Variants in MYCBP2 observed in about 807,000 individuals in gnomAD.
MYCBP2 encodes MYC binding protein 2, also known as E3 ubiquitin-protein ligase MYCBP2.
Under a neutral mutation model 525.3 loss-of-function variants are expected in MYCBP2, and 120 were observed. That is an observed-to-expected ratio of 0.23 (90% CI 0.20 to 0.27). MYCBP2 has a LOEUF of 0.27. Ranked by LOEUF, MYCBP2 falls within the 10% of genes least tolerant of loss-of-function variation. MYCBP2 has a pLI of 1.00. For missense variants in MYCBP2, 4,149 were observed against 5,657.1 expected, an observed-to-expected ratio of 0.73 and a Z score of 8.55; for synonymous variants, 1,894 against 1,955.8, an observed-to-expected ratio of 0.97 and a Z score of 0.83.
At chr13:77,054,843 T>C (rs531427000) in intron 80 of MYCBP2, among the ~76,000 whole-genome samples, 6 of 152,226 alleles carry the variant, frequency 3.9e-5, no homozygotes, top group Non-Finnish European at 8.8e-5. Flanking sequence ...TCAAGAAATC[T>C]GCCCACCTTG....
chr13:77,196,788 G>A (rs909606484), intron 26 of MYCBP2, among the ~76,000 whole-genome samples: 13 of 152,114 alleles, frequency 8.5e-5, no homozygotes, highest in African/African-American at 2.4e-4. Context: ...AGAGAGTCAC[G>A]TGGAGACACA....
chr13:77,217,992 T>G, intron 20 of MYCBP2, 35 bp from the exon 21 acceptor site: 1 of 1,412,186 alleles, frequency 7.1e-7, no homozygotes, highest in South Asian at 1.3e-5. Flanking sequence ...GTCAATTTCT[T>G]ACAAAACTCA....
chr13:77,172,338 G>C (rs912584595), intron 37 of MYCBP2, among the ~76,000 whole-genome samples: 2 of 152,190 alleles, frequency 1.3e-5, no homozygotes, highest in African/African-American at 4.8e-5. Context: ...AGTGAAGCGT[G>C]ATGGGTGGGA....
intron 36 of MYCBP2, among the ~76,000 whole-genome samples, chr13:77,175,379 G>GA (rs576165429): frequency 2.0e-5 from 3 of 151,406 alleles, no homozygotes; most frequent in Non-Finnish European, 4.4e-5. Flanking sequence ...ACAGACATGA[G>GA]AAAAAAAACC....
intron 26 of MYCBP2, among the ~76,000 whole-genome samples, chr13:77,201,552 A>T (rs1425254412): frequency 6.6e-6 from 1 of 151,846 alleles, no homozygotes; most frequent in Non-Finnish European, 1.5e-5. Context: ...CCTAATAGAC[A>T]TCTACAGAAC....
intron 82 of MYCBP2, among the ~76,000 whole-genome samples, chr13:77,045,748 T>C (rs2035433072): frequency 6.6e-6 from 1 of 152,234 alleles, no homozygotes; most frequent in African/African-American, 2.4e-5. Context: ...AGAGGATCAC[T>C]TCGAGCTACA....
chr13:77,174,936 ATATATATTT>A lies in MYCBP2; in HGVS notation c.5473-456_5473-448del. Reference sequence around the variant, plus strand: ...AATATATATTATATATATATAATATATATATATTTTATATATTATATATATATATTTTTT... The same window carrying A: ...AATATATATTATATATATATAATATATATATATTATATATATATATTTTTT... On this transcript the variant is annotated intron_variant, in intron 36 of 82. Transcript: ENST00000544440. 2.9e-4 allele frequency among the ~76,000 whole-genome samples: 6 copies of A among 20,494 alleles called. 1 individual carries two copies. Among genetic ancestry groups the A allele is most frequent in the African/African-American group, 6.6e-4 (6 of 9,060 alleles). The allele number at this position is 20,494 out of a possible 152,430, so 13.4% of individuals were successfully genotyped here.
Position 77,163,895 on chromosome 13 carries a change from T to C in MYCBP2, c.6547+559A>G, listed in dbSNP as rs181812090. Among the ~76,000 whole-genome samples the C allele has an allele frequency of 1.2e-4, 19 of 152,328 alleles. No homozygotes were observed. The East Asian group carries it at 3.5e-3, about 28-fold the overall frequency. ...CTCTCCTGGTTTCTCTCCTCTTCAC[T>C]GACTGTTCCTTCACAGTCTCATCTG... On this transcript the variant is annotated intron_variant, in intron 43 of 82. Transcript: ENST00000544440.
At chr13:77,254,154 C>G (rs958056207) in intron 14 of MYCBP2, among the ~76,000 whole-genome samples, 1 of 151,640 alleles carries the variant, frequency 6.6e-6, no homozygotes, top group Non-Finnish European at 1.5e-5. Flanking sequence ...CAGATTAACA[C>G]TTATAAAAAC....
In MYCBP2 at chr13:77,171,549, C is replaced by A. The variant is rs368552600; in HGVS notation, c.5737G>T (p.Val1913Leu). Residue 1913 changes from valine to leucine, a missense_variant, in exon 38 of 83, where the codon GTA becomes TTA. By Grantham distance (32) the Val-to-Leu change is conservative. Transcript: ENST00000544440. ...TTAGAGGCTCGAACGACAGTGCTTA[C>A]AACAGACAATGCTCTGCTACAGTTT... ...DKNCSRALSV[V>L]STVVRASKDL... The A allele has an allele frequency of 1.9e-6, 3 of 1,614,114 alleles. No individual in the cohort carries two copies. The highest frequency in any genetic ancestry group is 2.5e-6 in the Non-Finnish European group (3 of 1,179,980).
Position 77,261,366 on chromosome 13 carries a change from T to C in MYCBP2, c.1657A>G (p.Thr553Ala), listed in dbSNP as rs921471921. Residue 553 changes from threonine (T) to alanine (A), a missense_variant, in exon 12 of 83, where the codon ACT becomes GCT. This residue lies in a region of MYCBP2 where 262 missense variants were observed against 419.3 expected (regional missense o/e 0.62). Transcript: ENST00000544440. ...ATTCCAAGACTCTGGTATTTGCCAGTGTAATATATCTTATGTATTAAAAAA... is the reference window on the plus strand; with the variant it reads ...ATTCCAAGACTCTGGTATTTGCCAGCGTAATATATCTTATGTATTAAAAAA... ...MKTANGKIYY[T>A]GKYQSLGIKQ... 1.9e-6 allele frequency: 3 copies of C among 1,602,762 alleles called. No individual in the cohort carries two copies. Among genetic ancestry groups the C allele is most frequent in the Non-Finnish European group, 1.7e-6 (2 of 1,176,200 alleles).
Position 77,098,523 on chromosome 13 carries a change from A to G in MYCBP2, c.8631T>C (p.Asp2877=). ...TTTTCTTCTTGCGGAGGGTATCTGG[A>G]TCAAGTGTGTAAGAGTCTGATTTAG... ...ERSKSDSYTL[D]PDTLRKKKMP... Residue 2877 remains aspartate (D), a synonymous_variant, in exon 56 of 83, where the codon GAT becomes GAC. Transcript: ENST00000544440. 1 of 1,613,708 alleles carries G rather than the reference A, an allele frequency of 6.2e-7. No homozygotes were observed. The highest frequency in any genetic ancestry group is 8.5e-7 in the Non-Finnish European group (1 of 1,179,818).
At chr13:77,203,092 A>G (rs56061545) in intron 26 of MYCBP2, among the ~76,000 whole-genome samples, 4,070 of 152,106 alleles carry the variant, frequency 0.027, 198 homozygotes, top group African/African-American at 0.092. Context: ...TTAGGAAAAG[A>G]GGAAGTCAAA....
intron 14 of MYCBP2, among the ~76,000 whole-genome samples, chr13:77,253,807 G>A (rs2071648210): frequency 6.6e-6 from 1 of 152,114 alleles, no homozygotes; most frequent in South Asian, 2.1e-4. Flanking sequence ...CAGATGTGAT[G>A]TGGAAAATCC....
chr13:77,053,904 A>G (rs182001315), intron 80 of MYCBP2, among the ~76,000 whole-genome samples: 1 of 152,272 alleles, frequency 6.6e-6, no homozygotes, highest in African/African-American at 2.4e-5. Context: ...GAGATAGAAA[A>G]ATGAAAAAAC....
At chr13:77,225,392 C>T in intron 19 of MYCBP2, 43 bp downstream of exon 19, 5 of 1,610,922 alleles carry the variant, frequency 3.1e-6, no homozygotes, top group Non-Finnish European at 4.2e-6. Context: ...TTACTGAGCA[C>T]AATTGTAAAA....
intron 62 of MYCBP2, among the ~76,000 whole-genome samples, chr13:77,086,461 C>T (rs2044298279): frequency 6.6e-6 from 1 of 151,964 alleles, no homozygotes; most frequent in South Asian, 2.1e-4. Flanking sequence ...GTTTACTGGG[C>T]TTCTTGACTC....
At chr13:77,233,292 G>A (rs1269964618) in intron 17 of MYCBP2, 29 bp from the exon 18 acceptor site, 1 of 1,503,224 alleles carries the variant, frequency 6.7e-7, no homozygotes, top group African/African-American at 1.4e-5. Flanking sequence ...TATGTGCATA[G>A]AAAAACTCAC....
At chr13:77,077,649 T>C (rs983593382) in intron 66 of MYCBP2, 3 of 365,662 alleles carry the variant, frequency 8.2e-6, no homozygotes, top group Non-Finnish European at 9.8e-6. Flanking sequence ...AGAATTAAAA[T>C]CCAGGCCTGA....
Sources: allele counts gnomAD v4.1 joint callset (sites outside exome capture counted in the v4.1 genomes callset), GRCh38; gene constraint gnomAD v4.1.1; regional missense constraint gnomAD v4.1.1; transcripts MANE v1.5; gene names NCBI Gene and HGNC (gene_info 2026-07-23, HGNC 2026-07-21).